LINGO2: variants seen among roughly 807,000 people sequenced by gnomAD.
The protein encoded by LINGO2 is leucine-rich repeat and immunoglobulin-like domain-containing nogo receptor-interacting protein 2.
In LINGO2, 14 loss-of-function variants were observed where a neutral mutation model predicts 30.6. That is an observed-to-expected ratio of 0.46 (90% CI 0.30 to 0.72). The LOEUF (loss-of-function observed/expected upper bound fraction) is 0.72. Ranked by LOEUF, LINGO2 falls within the 30% of genes least tolerant of loss-of-function variation. LINGO2 has a pLI of 0.07. For missense variants in LINGO2, 729 were observed against 751.7 expected (o/e 0.97, Z 0.35); for synonymous variants, 317 against 288.5 (o/e 1.10, Z -1.00).
intron 5 of LINGO2, among the ~76,000 whole-genome samples, chr9:27,951,063 A>G (rs961759213): frequency 6.6e-6 from 1 of 152,202 alleles, no homozygotes; most frequent in African/African-American, 2.4e-5. Flanking sequence ...TTTAATTTAA[A>G]TGAAAGAAAC....
At chr9:28,060,095 A>G (rs1452098093) in intron 4 of LINGO2, among the ~76,000 whole-genome samples, 1 of 151,898 alleles carries the variant, frequency 6.6e-6, no homozygotes, top group African/African-American at 2.4e-5. Flanking sequence ...GAATACATAA[A>G]TATGTAGTCT....
At chr9:27,943,341 T>C (rs1183370718), downstream of LINGO2, 1 of 151,944 alleles carries the variant, frequency 6.6e-6, no homozygotes, top group African/African-American at 2.4e-5. Flanking sequence ...AACATAAATT[T>C]GCATTTTTGT....
chr9:29,031,665 G>A, the LINGO2 span, among the ~76,000 whole-genome samples: 24 of 152,126 alleles, frequency 1.6e-4, no homozygotes, highest in East Asian at 5.8e-4. Flanking sequence ...CTTTCTTTAC[G>A]AAGTTTTGGG....
the LINGO2 span, among the ~76,000 whole-genome samples, chr9:28,783,502 C>T: frequency 1.3e-5 from 2 of 151,942 alleles, no homozygotes; most frequent in African/African-American, 2.4e-5. Context: ...GACATGGAAT[C>T]CACGGATATG....
the LINGO2 span, among the ~76,000 whole-genome samples, chr9:28,734,361 G>A: frequency 2.6e-5 from 4 of 152,136 alleles, no homozygotes; most frequent in East Asian, 7.7e-4. Flanking sequence ...TACTCAGAAT[G>A]GTGCACAATT....
chr9:28,938,888 G>C, the LINGO2 span, among the ~76,000 whole-genome samples: 1 of 152,038 alleles, frequency 6.6e-6, no homozygotes, highest in Non-Finnish European at 1.5e-5. Flanking sequence ...TGTTTTCCTG[G>C]AATATGTAAT....
At chr9:28,006,112 G>A (rs935664258) in intron 5 of LINGO2, among the ~76,000 whole-genome samples, 1 of 152,018 alleles carries the variant, frequency 6.6e-6, no homozygotes, top group African/African-American at 2.4e-5. Context: ...CACCAGGAGA[G>A]CTTTGCTACC....
chr9:28,578,582 AAC>A (rs2135636542), intron 1 of LINGO2, among the ~76,000 whole-genome samples: 1 of 152,262 alleles, frequency 6.6e-6, no homozygotes, highest in South Asian at 2.1e-4. Context: ...TACCAGGAAA[AAC>A]AGTTTCCTTG....
chr9:28,995,018 T>C, the LINGO2 span, among the ~76,000 whole-genome samples: 7 of 151,748 alleles, frequency 4.6e-5, no homozygotes, highest in Admixed American at 3.3e-4. Context: ...AATTGACAAA[T>C]GGGATCTAAT....
chr9:28,921,356 A>G, the LINGO2 span, among the ~76,000 whole-genome samples: 1 of 151,168 alleles, frequency 6.6e-6, no homozygotes, highest in African/African-American at 2.4e-5. Flanking sequence ...TTCCACCCCC[A>G]CCCCAGAGGC....
the LINGO2 span, among the ~76,000 whole-genome samples, chr9:29,040,180 A>G: frequency 6.6e-6 from 1 of 152,102 alleles, no homozygotes; most frequent in Admixed American, 6.6e-5. Flanking sequence ...GCTATCTATT[A>G]TATTATTATG....
chr9:28,876,540 G>C, the LINGO2 span, among the ~76,000 whole-genome samples: 4 of 152,034 alleles, frequency 2.6e-5, no homozygotes, highest in Non-Finnish European at 4.4e-5. Flanking sequence ...TGAGAATGAT[G>C]ATATCCAATT....
chr9:28,650,396 A>G (rs1489159373), intron 1 of LINGO2, among the ~76,000 whole-genome samples: 1 of 152,114 alleles, frequency 6.6e-6, no homozygotes, highest in African/African-American at 2.4e-5. Flanking sequence ...TGCTGGTTCT[A>G]TGGCACCAGG....
the LINGO2 span, among the ~76,000 whole-genome samples, chr9:28,925,977 T>C: frequency 6.6e-6 from 1 of 152,122 alleles, no homozygotes; most frequent in South Asian, 2.1e-4. Context: ...AATGAGGAAA[T>C]TCTCTGCAGT....
chr9:28,956,551 A>T, the LINGO2 span, among the ~76,000 whole-genome samples: 2 of 149,974 alleles, frequency 1.3e-5, no homozygotes, highest in African/African-American at 4.9e-5. Flanking sequence ...CAAGTTTGAC[A>T]AATATTTCCT....
intron 3 of LINGO2, among the ~76,000 whole-genome samples, chr9:28,317,813 T>A (rs1824897996): frequency 6.6e-6 from 1 of 152,164 alleles, no homozygotes; most frequent in Non-Finnish European, 1.5e-5. Flanking sequence ...CCCTGTCTGC[T>A]AATTTAAGTC....
At chr9:28,829,423 C>T in the LINGO2 span, among the ~76,000 whole-genome samples, 2 of 152,154 alleles carry the variant, frequency 1.3e-5, no homozygotes, top group Non-Finnish European at 2.9e-5. Flanking sequence ...AGAGGGTCCA[C>T]TGAGCTGCTA....
intron 5 of LINGO2, among the ~76,000 whole-genome samples, chr9:28,001,704 GA>G (rs34602365): frequency 2.7e-5 from 4 of 149,978 alleles, no homozygotes; most frequent in Admixed American, 2.0e-4. Flanking sequence ...GGGCAGAAAG[GA>G]AAAAAAAAGC....
At chr9:27,941,120 G>T in the LINGO2 span, 1 of 152,128 alleles carries the variant, frequency 6.6e-6, no homozygotes, top group African/African-American at 2.4e-5. Flanking sequence ...CTCTCTCTAG[G>T]GGCAAGCTTT....
Sources: allele counts gnomAD v4.1 joint callset (sites outside exome capture counted in the v4.1 genomes callset), GRCh38; gene constraint gnomAD v4.1.1; transcripts MANE v1.5; gene names NCBI Gene and HGNC (gene_info 2026-07-23, HGNC 2026-07-21).